The following LNX1 variants were observed in gnomAD, a reference collection of about 807,000 sequenced individuals.
The protein encoded by LNX1 is ligand of numb-protein X 1.
Under a neutral mutation model 68.4 loss-of-function variants are expected in LNX1, and 54 were observed. The ratio of observed to expected loss-of-function variants is 0.79; its 90% CI spans 0.63 to 0.99. LNX1 has a LOEUF of 0.99. Ranked by LOEUF, LNX1 falls within the 50% of genes least tolerant of loss-of-function variation. The probability of loss-of-function intolerance (pLI) is 0.00; values close to 1 mark genes in which losing one functional copy is unlikely to be tolerated. For synonymous variants in LNX1, 336 were observed against 350.0 expected (o/e 0.96, Z 0.45); for missense variants, 906 against 926.4 (o/e 0.98, Z 0.29).
At chr4:53,623,090 CT>C (rs1281193192) in intron 1 of LNX1, among the ~76,000 whole-genome samples, 1 of 152,116 alleles carries the variant, frequency 6.6e-6, no homozygotes, top group African/African-American at 2.4e-5. Flanking sequence ...GATGTCATCA[CT>C]CAGGATTCAT....
chr4:53,488,654 C>T (rs1156346109), intron 6 of LNX1, among the ~76,000 whole-genome samples: 2 of 152,142 alleles, frequency 1.3e-5, no homozygotes, highest in Non-Finnish European at 2.9e-5. Flanking sequence ...TCCAAAAACT[C>T]AATCGATTCC....
chr4:53,548,155 G>A (rs1295347573), intron 2 of LNX1, among the ~76,000 whole-genome samples: 3 of 150,968 alleles, frequency 2.0e-5, no homozygotes, highest in Non-Finnish European at 4.4e-5. Flanking sequence ...ATATGACTAT[G>A]AGAAAAGGAT....
intron 1 of LNX1, among the ~76,000 whole-genome samples, chr4:53,584,187 GT>G (rs975156192): frequency 1.3e-5 from 2 of 151,974 alleles, no homozygotes; most frequent in Admixed American, 6.6e-5. Context: ...AGATAACCAA[GT>G]TTTACAGAGG....
upstream of LNX1, among the ~76,000 whole-genome samples, chr4:53,622,411 G>A (rs1220227715): frequency 1.3e-5 from 2 of 152,080 alleles, no homozygotes; most frequent in African/African-American, 2.4e-5. Context: ...GTAAACCTCT[G>A]TTGCCACACA....
At chr4:53,555,220 C>T (rs78069778) in intron 2 of LNX1, among the ~76,000 whole-genome samples, 7,036 of 152,208 alleles carry the variant, frequency 0.046, 240 homozygotes, top group Admixed American at 0.09. Context: ...TGCTCCCAAG[C>T]GTGCTAAACT....
chr4:53,646,624 T>C (rs1468393504), intron 1 of LNX1, among the ~76,000 whole-genome samples: 1 of 152,348 alleles, frequency 6.6e-6, no homozygotes, highest in East Asian at 1.9e-4. Flanking sequence ...ACTTGAAATT[T>C]GAATTTTTAT....
chr4:53,480,124 C>T (rs1182450851), intron 7 of LNX1, among the ~76,000 whole-genome samples: 1 of 152,152 alleles, frequency 6.6e-6, no homozygotes, highest in Admixed American at 6.5e-5. Flanking sequence ...CTAAACCAAA[C>T]AAGATTTTAG....
chr4:53,531,051 G>C lies in LNX1; in HGVS notation c.381-22824C>G, dbSNP rs186927969. Among the ~76,000 whole-genome samples the C allele has an allele frequency of 7.2e-5, 11 of 152,300 alleles. No homozygotes were observed. In the East Asian group the frequency reaches 2.1e-3, roughly 29 times the overall value. On this transcript the variant is annotated intron_variant, in intron 2 of 10. Transcript: ENST00000263925. The stretch of plus-strand genomic sequence containing the variant: ...GTGGTGGTGTGTGCCTATGGTCTCA[G>C]CTACTCAGGAGGCTGAGGTGGGAGG...
At chr4:53,573,407 A>C (rs10007397) in intron 2 of LNX1, among the ~76,000 whole-genome samples, 2,008 of 152,348 alleles carry the variant, frequency 0.013, 53 homozygotes, top group African/African-American at 0.045. Flanking sequence ...GTTACATTTT[A>C]TTAGAATTTT....
At chr4:53,594,002 A>AT (rs1189874977), upstream of LNX1, 1 of 149,650 alleles carries the variant, frequency 6.7e-6, no homozygotes, top group African/African-American at 2.4e-5. Flanking sequence ...TCCTGGACAC[A>AT]TTCAGCTTCT....
intron 1 of LNX1, chr4:53,652,055 GAGAGAGAC>G (rs1339019586): frequency 1.0e-4 from 14 of 136,764 alleles, no homozygotes; most frequent in African/African-American, 4.5e-4. Flanking sequence ...GAGAGAGAGA[GAGAGAGAC>G]AGAGAAAGAG....
chr4:53,507,932 A>C, intron 3 of LNX1, 54 bp downstream of exon 3: 1 of 1,583,196 alleles, frequency 6.3e-7, no homozygotes, highest in East Asian at 2.3e-5. Context: ...TATTCCACAG[A>C]GGGCAATCGC....
At chr4:53,513,464 T>C (rs181797694) in intron 2 of LNX1, among the ~76,000 whole-genome samples, 44 of 152,230 alleles carry the variant, frequency 2.9e-4, no homozygotes, top group African/African-American at 1.1e-3. Flanking sequence ...CCTAGACTCA[T>C]ATCAAACTGC....
chr4:53,543,328 G>A (rs907948066), intron 2 of LNX1, among the ~76,000 whole-genome samples: 46 of 152,130 alleles, frequency 3.0e-4, no homozygotes, highest in African/African-American at 1.1e-3. Context: ...TACTACATGT[G>A]TGCTTATTTA....
intron 4 of LNX1, among the ~76,000 whole-genome samples, chr4:53,500,917 A>G (rs1027733571): frequency 3.3e-5 from 5 of 152,198 alleles, no homozygotes; most frequent in African/African-American, 1.2e-4. Flanking sequence ...TCCCTCCCTC[A>G]TTCCCCTTCC....
At chr4:53,524,342 C>T (rs967528442) in intron 2 of LNX1, 2 of 152,060 alleles carry the variant, frequency 1.3e-5, no homozygotes, top group Non-Finnish European at 2.9e-5. Context: ...AAAAGTGGCA[C>T]TTAAGGTAAC....
intron 4 of LNX1, among the ~76,000 whole-genome samples, chr4:53,502,336 A>C (rs1436076898): frequency 1.3e-5 from 2 of 152,200 alleles, no homozygotes; most frequent in Non-Finnish European, 2.9e-5. Flanking sequence ...AGACTGCTAT[A>C]AGAAAGTGAG....
At chr4:53,505,873 T>C (rs1271663788) in intron 4 of LNX1, among the ~76,000 whole-genome samples, 3 of 152,064 alleles carry the variant, frequency 2.0e-5, no homozygotes, top group Non-Finnish European at 2.9e-5. Flanking sequence ...GAATGCCAGC[T>C]GAAAGGAGAG....
intron 1 of LNX1, among the ~76,000 whole-genome samples, chr4:53,624,719 A>G (rs17083218): frequency 0.35 from 53,542 of 151,864 alleles, 10,127 homozygotes; most frequent in East Asian, 0.58. Context: ...GGGGTCTTTC[A>G]CCTTGACCTT....
Sources: gnomAD v4.1 joint callset for allele counts (sites outside exome capture counted in the v4.1 genomes callset) on GRCh38, gnomAD v4.1.1 for gene constraint, MANE v1.5 for transcripts, NCBI Gene and HGNC (gene_info 2026-07-23, HGNC 2026-07-21) for gene names.